Variants in PCDH15 observed in about 807,000 individuals in gnomAD.
PCDH15 encodes the protein protocadherin-15.
A neutral mutation model predicts 178.5 loss-of-function variants in PCDH15; 129 were observed. The ratio of observed to expected loss-of-function variants is 0.72; its 90% confidence interval spans 0.63 to 0.84. The LOEUF is 0.84. Ranked by LOEUF, PCDH15 falls within the 40% of genes least tolerant of loss-of-function variation. PCDH15 has a pLI of 0.00. For synonymous variants in PCDH15, 800 were observed against 732.0 expected (o/e 1.09, Z -1.50); for missense variants, 2,230 against 2,099.9 (o/e 1.06, Z -1.21).
intron 10 of PCDH15, among the ~76,000 whole-genome samples, chr10:54,200,342 G>A (rs1410994948): frequency 2.3e-5 from 3 of 133,052 alleles, no homozygotes; most frequent in South Asian, 2.4e-4. Flanking sequence ...TGTTACGTAC[G>A]CATACACGTC....
chr10:55,016,750 TG>T (rs1436088622), intron 2 of PCDH15, among the ~76,000 whole-genome samples: 1 of 152,178 alleles, frequency 6.6e-6, no homozygotes, highest in Non-Finnish European at 1.5e-5. Context: ...TCCTTTCTTT[TG>T]GGTATATACC....
chr10:54,516,260 G>A (rs185549757), intron 3 of PCDH15, among the ~76,000 whole-genome samples: 1 of 152,140 alleles, frequency 6.6e-6, no homozygotes, highest in East Asian at 1.9e-4. Flanking sequence ...CAACTACGCT[G>A]AGCTACAGGA....
intron 6 of PCDH15, among the ~76,000 whole-genome samples, chr10:54,332,461 T>C (rs1243831587): frequency 6.9e-6 from 1 of 145,306 alleles, no homozygotes; most frequent in Non-Finnish European, 1.5e-5. Context: ...TGTAGGCCTC[T>C]CTCTTCTCCA....
intron 3 of PCDH15, among the ~76,000 whole-genome samples, chr10:54,867,168 T>C (rs767024485): frequency 2.7e-4 from 41 of 152,136 alleles, no homozygotes; most frequent in Admixed American, 2.0e-4. Flanking sequence ...CTAATTTTGA[T>C]TGCAGTGTGG....
At chr10:53,807,163 A>G (rs781664814) in intron 37 of PCDH15, 33 bp from the exon 38 acceptor site, 1 of 1,496,546 alleles carries the variant, frequency 6.7e-7, no homozygotes, top group Non-Finnish European at 9.0e-7. Context: ...GTGAGTCACT[A>G]TCAAATAAAT....
intron 8 of PCDH15, among the ~76,000 whole-genome samples, chr10:54,295,570 A>G (rs1334602073): frequency 2.0e-5 from 3 of 152,200 alleles, no homozygotes; most frequent in Non-Finnish European, 4.4e-5. Context: ...CTACAAACCC[A>G]CTGGAAAGAA....
intron 2 of PCDH15, among the ~76,000 whole-genome samples, chr10:55,021,017 A>G (rs757178400): frequency 6.6e-6 from 1 of 152,130 alleles, no homozygotes; most frequent in African/African-American, 2.4e-5. Context: ...TTATTTCTCA[A>G]TATCCCACCA....
At chr10:54,200,620 G>A (rs903717779) in intron 10 of PCDH15, among the ~76,000 whole-genome samples, 4 of 151,940 alleles carry the variant, frequency 2.6e-5, no homozygotes, top group African/African-American at 9.7e-5. Context: ...AAAATCACCG[G>A]TGCCTTTTAC....
At chr10:53,878,253 A>ATATATATATATATATT (rs2080398817) in intron 26 of PCDH15, among the ~76,000 whole-genome samples, 3 of 139,544 alleles carry the variant, frequency 2.1e-5, no homozygotes, top group African/African-American at 5.3e-5. Flanking sequence ...TTCTACATAT[A>ATATATATATATATATT]CATACAGTAA....
intron 23 of PCDH15, among the ~76,000 whole-genome samples, chr10:53,952,313 T>C (rs535793442): frequency 2.0e-5 from 3 of 152,298 alleles, no homozygotes; most frequent in Non-Finnish European, 2.9e-5. Flanking sequence ...AGGTGCTTCA[T>C]TGAGCAACAG....
chr10:54,901,212 G>A (rs773782517), intron 2 of PCDH15, among the ~76,000 whole-genome samples: 1 of 152,070 alleles, frequency 6.6e-6, no homozygotes, highest in African/African-American at 2.4e-5. Context: ...AGCCTGAGGT[G>A]GAAGGATCAC....
In PCDH15 at chr10:55,530,366, A is replaced by G. The variant is rs563981829; in HGVS notation, c.-156+97259T>C. 2.0e-5 allele frequency among the ~76,000 whole-genome samples: 3 copies of G among 151,902 alleles called. No individual in the cohort carries two copies. The East Asian group carries it at 5.8e-4, about 29-fold the overall frequency. On this transcript the variant is annotated intron_variant, in intron 2 of 5. Transcript: ENST00000613346. ...CCAAAAAGCTTCACATATGAATTTTAAAAAAATTCATATACTCTTGTATAT... is the reference window on the plus strand; with the variant it reads ...CCAAAAAGCTTCACATATGAATTTTGAAAAAATTCATATACTCTTGTATAT...
intron 2 of PCDH15, among the ~76,000 whole-genome samples, chr10:55,389,202 G>A (rs1837733777): frequency 6.6e-6 from 1 of 151,996 alleles, no homozygotes; most frequent in South Asian, 2.1e-4. Flanking sequence ...GAGGAGAGTC[G>A]AAGAAATGTC....
At chr10:54,004,427 C>T (rs2092307151) in intron 20 of PCDH15, among the ~76,000 whole-genome samples, 1 of 13,770 alleles carries the variant, frequency 7.3e-5, no homozygotes, top group South Asian at 2.6e-3. Flanking sequence ...ACACACACAC[C>T]ACACAAAGTA....
chr10:54,588,844 T>C (rs150837826), intron 2 of PCDH15, among the ~76,000 whole-genome samples: 279 of 152,178 alleles, frequency 1.8e-3, no homozygotes, highest in African/African-American at 6.6e-3. Context: ...TAAGTGCTGG[T>C]ATTATAGGCA....
intron 1 of PCDH15, among the ~76,000 whole-genome samples, chr10:55,235,974 T>C (rs565753205): frequency 6.6e-6 from 1 of 151,526 alleles, no homozygotes; most frequent in South Asian, 2.1e-4. Context: ...AGTTTAAAAT[T>C]TAAAGTATAG....
At chr10:54,830,771 A>G (rs1489832334) in intron 3 of PCDH15, among the ~76,000 whole-genome samples, 1 of 151,864 alleles carries the variant, frequency 6.6e-6, no homozygotes, top group Non-Finnish European at 1.5e-5. Context: ...TATTCCAAAA[A>G]GCAAAAAAAA....
intron 2 of PCDH15, among the ~76,000 whole-genome samples, chr10:55,606,557 C>T (rs1371836734): frequency 1.4e-5 from 2 of 141,108 alleles, no homozygotes; most frequent in Non-Finnish European, 3.1e-5. Context: ...AGATTTAGAT[C>T]AATGGAACAG....
intron 3 of PCDH15, among the ~76,000 whole-genome samples, chr10:54,514,803 T>G (rs532105600): frequency 2.5e-4 from 38 of 152,330 alleles, no homozygotes; most frequent in African/African-American, 9.1e-4. Context: ...AAAACTTTCA[T>G]ACTTGCTATG....
Sources: gnomAD v4.1 joint callset for allele counts (sites outside exome capture counted in the v4.1 genomes callset) on GRCh38, gnomAD v4.1.1 for gene constraint, MANE v1.5 for transcripts, NCBI Gene and HGNC (gene_info 2026-07-23, HGNC 2026-07-21) for gene names.